GALK2: variants seen among roughly 807,000 people sequenced by gnomAD.
GALK2 encodes galactokinase 2.
A neutral mutation model predicts 52.4 loss-of-function variants in GALK2; 36 were observed. The observed-to-expected ratio is 0.69, with a 90% CI of 0.53 to 0.91. The LOEUF (loss-of-function observed/expected upper bound fraction) is 0.91. Ranked by LOEUF, GALK2 falls within the 40% of genes least tolerant of loss-of-function variation. The pLI is 0.00. For missense variants in GALK2, 579 were observed against 559.1 expected (o/e 1.04, Z -0.36); for synonymous variants, 176 against 199.1 (o/e 0.88, Z 0.98).
In GALK2 at chr15:49,321,612, T is replaced by C. The variant is rs116842819; in HGVS notation, c.1169+1807T>C. On this transcript the variant is annotated intron_variant, in intron 9 of 9. Transcript: ENST00000560031. ...AGGTAAGAGTTATCTTAGAGTACCA[T>C]AAAATATTAGATCAGGAAGGGGTCT... is the stretch of plus-strand genomic sequence containing the variant. Among the ~76,000 whole-genome samples, 1,192 of 152,250 alleles carry C rather than the reference T, an allele frequency of 7.8e-3. 41 individuals carry two copies. Among genetic ancestry groups the C allele is most frequent in the South Asian group, 0.076 (367 of 4,824 alleles).
At chr15:49,348,015 G>A (rs1450741868) in intron 3 of GALK2, among the ~76,000 whole-genome samples, 6 of 75,760 alleles carry the variant, frequency 7.9e-5, no homozygotes, top group Admixed American at 1.9e-4. Context: ...GCAAAACTCT[G>A]TCTCAAAAAA....
At chr15:49,174,487 A>C (rs2085311033) in intron 1 of GALK2, among the ~76,000 whole-genome samples, 1 of 152,100 alleles carries the variant, frequency 6.6e-6, no homozygotes, top group Admixed American at 6.6e-5. Flanking sequence ...CTGGGACTAC[A>C]GGTGCTCACC....
chr15:49,365,869 G>T, intron 3 of GALK2: 1 of 914,042 alleles, frequency 1.1e-6, no homozygotes, highest in Non-Finnish European at 1.8e-6. Flanking sequence ...TTGTCCATAT[G>T]GCATCTTATG....
At chr15:49,251,478 C>A (rs909367266) in intron 5 of GALK2, among the ~76,000 whole-genome samples, 2 of 152,122 alleles carry the variant, frequency 1.3e-5, no homozygotes, top group Non-Finnish European at 2.9e-5. Context: ...AGAGTGCTGG[C>A]AGAGGTTCAT....
intron 1 of GALK2, chr15:49,178,751 C>A: frequency 4.6e-6 from 1 of 215,358 alleles, no homozygotes; most frequent in Admixed American, 4.1e-5. Flanking sequence ...CTTGGCTTAC[C>A]TGATGGCTGT....
chr15:49,367,623 A>C (rs757792097), exon 4 of GALK2: 5 of 1,534,526 alleles, frequency 3.3e-6, no homozygotes, highest in Admixed American at 2.5e-5. Flanking sequence ...AAGAGGAAGA[A>C]AATAATCAAG....
intron 1 of GALK2, among the ~76,000 whole-genome samples, chr15:49,182,642 A>G (rs2141227352): frequency 6.6e-6 from 1 of 152,178 alleles, no homozygotes; most frequent in Non-Finnish European, 1.5e-5. Context: ...CCACATCCTT[A>G]CCAGCATTTG....
intron 1 of GALK2, chr15:49,156,694 T>A: frequency 1.9e-6 from 1 of 522,882 alleles, no homozygotes; most frequent in Admixed American, 2.2e-5. Flanking sequence ...CACTTTTCAA[T>A]AATCATAAAC....
intron 1 of GALK2, among the ~76,000 whole-genome samples, chr15:49,182,175 T>G (rs1158081999): frequency 6.6e-6 from 1 of 152,210 alleles, no homozygotes; most frequent in Non-Finnish European, 1.5e-5. Context: ...GTAACCATCA[T>G]TCTACTCTCT....
intron 8 of GALK2, among the ~76,000 whole-genome samples, chr15:49,303,837 G>T (rs1292892927): frequency 6.6e-6 from 1 of 152,188 alleles, no homozygotes; most frequent in East Asian, 1.9e-4. Context: ...GCTGCCTCAA[G>T]GGGAAGGAAG....
chr15:49,217,175 T>G lies in GALK2; in HGVS notation c.143-15T>G, dbSNP rs186584106. The G allele has an allele frequency of 3.7e-3, 5,891 of 1,599,638 alleles. 21 individuals carry two copies. The highest frequency in any genetic ancestry group is 3.8e-3 in the Non-Finnish European group (4,456 of 1,171,096). ...TATATTAGCAATGATTAAAAAAGCT[T>G]TCTCTTTTTTCTAGGAGAGCATATA... On this transcript the variant is annotated splice_polypyrimidine_tract_variant and intron_variant, in intron 2 of 9. Transcript: ENST00000560031.
chr15:49,360,233 G>C (rs1422746242), intron 3 of GALK2, among the ~76,000 whole-genome samples: 7 of 97,138 alleles, frequency 7.2e-5, no homozygotes, highest in Non-Finnish European at 2.2e-5. Flanking sequence ...AAAACTTATA[G>C]TATAAGGAAA....
At chr15:49,218,826 G>A (rs1246274283) in intron 3 of GALK2, among the ~76,000 whole-genome samples, 1 of 152,032 alleles carries the variant, frequency 6.6e-6, no homozygotes, top group Non-Finnish European at 1.5e-5. Flanking sequence ...TGTCTGGTTT[G>A]CCATTTATTT....
intron 7 of GALK2, among the ~76,000 whole-genome samples, chr15:49,286,931 G>A (rs532403336): frequency 4.6e-5 from 7 of 152,266 alleles, no homozygotes; most frequent in African/African-American, 1.7e-4. Flanking sequence ...CAGATCCATA[G>A]GTGAGCTGAA....
chr15:49,257,502 C>A (rs1316633156), intron 5 of GALK2, among the ~76,000 whole-genome samples: 1 of 152,090 alleles, frequency 6.6e-6, no homozygotes, highest in Admixed American at 6.6e-5. Flanking sequence ...TCTCTTTTAT[C>A]CCTGATTGTA....
chr15:49,204,896 T>A (rs533212462), intron 2 of GALK2, among the ~76,000 whole-genome samples: 160 of 152,296 alleles, frequency 1.1e-3, no homozygotes, highest in African/African-American at 3.8e-3. Flanking sequence ...ACCTAATTCT[T>A]ATGCTTTTGC....
intron 1 of GALK2, among the ~76,000 whole-genome samples, chr15:49,172,017 C>A (rs780425606): frequency 5.3e-5 from 8 of 152,174 alleles, no homozygotes; most frequent in Non-Finnish European, 1.0e-4. Flanking sequence ...AAGTGATCCG[C>A]CCGTCTCAGC....
chr15:49,243,744 AAT>A (rs1347056554), intron 5 of GALK2, among the ~76,000 whole-genome samples: 1 of 152,184 alleles, frequency 6.6e-6, no homozygotes, highest in African/African-American at 2.4e-5. Context: ...CTTGAAAAAT[AAT>A]AGTGTTACTT....
chr15:49,249,375 T>C (rs1176574082), intron 5 of GALK2, among the ~76,000 whole-genome samples: 1 of 152,200 alleles, frequency 6.6e-6, no homozygotes, highest in Non-Finnish European at 1.5e-5. Context: ...CTGTAACTTG[T>C]GATAACTTCC....
Sources: allele counts gnomAD v4.1 joint callset (sites outside exome capture counted in the v4.1 genomes callset), GRCh38; gene constraint gnomAD v4.1.1; transcripts MANE v1.5; gene names NCBI Gene and HGNC (gene_info 2026-07-23, HGNC 2026-07-21).